TTC8: variants seen among roughly 807,000 people sequenced by gnomAD.
TTC8 encodes tetratricopeptide repeat domain 8, also known as tetratricopeptide repeat protein 8.
TTC8 carries 47 observed loss-of-function variants against 72.5 expected under a neutral mutation model. That is an observed-to-expected ratio of 0.65 (90% CI 0.51 to 0.83). The LOEUF (loss-of-function observed/expected upper bound fraction) is 0.83, where lower values mean the gene tolerates loss of function less well. Among genes scored for constraint, TTC8 ranks in the 40% least tolerant of loss-of-function variants. The pLI is 0.00. For synonymous variants in TTC8, 199 were observed against 221.4 expected, an observed-to-expected ratio of 0.90 and a Z score of 0.90; for missense variants, 611 against 623.2, an observed-to-expected ratio of 0.98 and a Z score of 0.21.
chr14:88,859,617 G>A (rs2094874216), intron 9 of TTC8, among the ~76,000 whole-genome samples: 2 of 151,600 alleles, frequency 1.3e-5, no homozygotes, highest in African/African-American at 4.8e-5. Context: ...CATGATATGA[G>A]TTTACCTATA....
In TTC8 at chr14:88,830,983, C is replaced by T. The variant is rs1330232841; in HGVS notation, c.115-2710C>T. On this transcript the variant is annotated intron_variant, in intron 1 of 14. Transcript: ENST00000380656. ...TGTCATCCCACATACTCAGCAGAGT[C>T]CTGCTCTGGGCCCAGAGTGTCTAGG... is the stretch of plus-strand genomic sequence containing the variant. 4.2e-5 allele frequency: 19 copies of T among 451,346 alleles called. No individual in the cohort carries two copies. In the Admixed American group the frequency reaches 4.3e-4, roughly 10 times the overall value. 28.0% of individuals were successfully genotyped at this position (451,346 alleles called of 1,614,324 possible). A position where few individuals can be genotyped will look rare whatever the true frequency, so the allele number is the denominator to read the frequency against.
chr14:88,825,817 T>C (rs1172760308), intron 1 of TTC8, among the ~76,000 whole-genome samples: 2 of 152,178 alleles, frequency 1.3e-5, no homozygotes, highest in Non-Finnish European at 2.9e-5. Flanking sequence ...TGATGGATGA[T>C]AACCTGCTGA....
At chr14:88,872,480 G>T in intron 13 of TTC8, 28 bp downstream of exon 13, 1 of 1,612,204 alleles carries the variant, frequency 6.2e-7, no homozygotes, top group African/African-American at 1.3e-5. Context: ...GGCATGCTGG[G>T]CAGTCTGCTT....
intron 1 of TTC8, chr14:88,830,811 A>G (rs2094721942): frequency 4.4e-6 from 2 of 455,546 alleles, no homozygotes; most frequent in Non-Finnish European, 8.8e-6. Context: ...GGAAAGGCTC[A>G]GTGATTTTTA....
intron 14 of TTC8, among the ~76,000 whole-genome samples, chr14:88,876,386 A>T (rs900914904): frequency 4.6e-5 from 7 of 152,202 alleles, no homozygotes; most frequent in Non-Finnish European, 7.3e-5. Context: ...GAATTTATCT[A>T]GATTTTTTGA....
chr14:88,854,887 A>G (rs979851757), intron 8 of TTC8, among the ~76,000 whole-genome samples: 2 of 152,064 alleles, frequency 1.3e-5, no homozygotes, highest in Non-Finnish European at 2.9e-5. Flanking sequence ...GGTTCTTGCT[A>G]TGTTGCCCAA....
rs574234150 is a variant in TTC8, at chr14:88,877,466, G to A, written c.*56G>A. 1 of 1,392,112 alleles carries A rather than the reference G, an allele frequency of 7.2e-7. No individual in the cohort carries two copies. The highest frequency in any genetic ancestry group is 1.0e-6 in the Non-Finnish European group (1 of 978,234). 86.2% of individuals were successfully genotyped at this position (1,392,112 alleles called of 1,614,324 possible). On this transcript the variant is annotated 3_prime_UTR_variant, in exon 15 of 15. Coordinates refer to ENST00000380656, the MANE Select transcript of TTC8 (RefSeq NM_144596.4). ...AGCAGCATTATGCAAGGGGAAAAAA[G>A]CACTATGTCTGTGTATGTATGTATA...
At position 88,870,151 on chromosome 14, in the gene TTC8, C is replaced by T. The variant is rs2094927865; in HGVS notation, c.1002C>T (p.Ser334=). The T allele has an allele frequency of 6.2e-7, 1 of 1,613,984 alleles. No individual in the cohort carries two copies. Among genetic ancestry groups the T allele is most frequent in the African/African-American group, 1.3e-5 (1 of 74,922 alleles). Residue 334 remains serine (S), a synonymous_variant, in exon 11 of 15, where the codon AGC becomes AGT. Coordinates refer to ENST00000380656, the MANE Select transcript of TTC8 (RefSeq NM_144596.4). ...THVEAIACIG[S]NHFYSDQPEI... ...TGGAAGCCATCGCATGCATTGGAAG[C>T]AACCACTTCTATTCTGATCAGCCAG...
chr14:88,841,399 C>T (rs1372675656), intron 5 of TTC8, 26 bp from the exon 6 acceptor site: 1 of 1,610,730 alleles, frequency 6.2e-7, no homozygotes, highest in Non-Finnish European at 8.5e-7. Context: ...TTTCAGATCT[C>T]TTGGTCTATT....
chr14:88,866,966 C>T (rs1160386744), intron 10 of TTC8, among the ~76,000 whole-genome samples: 1 of 152,060 alleles, frequency 6.6e-6, no homozygotes, highest in East Asian at 1.9e-4. Context: ...TGTTAAATGC[C>T]TAACCTCTGT....
chr14:88,874,390 A>G (rs1212843494), intron 13 of TTC8, among the ~76,000 whole-genome samples: 1 of 152,146 alleles, frequency 6.6e-6, no homozygotes, highest in Non-Finnish European at 1.5e-5. Context: ...TAAGCATCTC[A>G]TGCTGCTCAG....
chr14:88,840,745 C>T (rs2094776311), intron 3 of TTC8, 120 bp from the exon 4 acceptor site: 3 of 940,960 alleles, frequency 3.2e-6, no homozygotes, highest in Non-Finnish European at 3.4e-6. Flanking sequence ...CCCTAAAATA[C>T]ATTTCTTGCT....
intron 7 of TTC8, among the ~76,000 whole-genome samples, chr14:88,849,874 T>TA (rs1232614174): frequency 1.3e-5 from 2 of 152,228 alleles, no homozygotes; most frequent in African/African-American, 4.8e-5. Flanking sequence ...TCGACAAAAC[T>TA]AAAGTGGCAT....
chr14:88,849,550 G>C (rs1417325044), intron 7 of TTC8, among the ~76,000 whole-genome samples: 1 of 152,050 alleles, frequency 6.6e-6, no homozygotes, highest in Non-Finnish European at 1.5e-5. Flanking sequence ...GAAATACCTT[G>C]AAATGGTGTT....
In TTC8 at chr14:88,837,655, G is replaced by A. The variant is rs375750158; in HGVS notation, c.145-1797G>A. On this transcript the variant is annotated intron_variant, in intron 2 of 14. Transcript: ENST00000380656. ...GAAAAATCAAAGCTGTCAGATACTG[G>A]CAGGGCAGTATGACCTGTAGAGATT... Among the ~76,000 whole-genome samples, 9 of 152,282 alleles carry A rather than the reference G, an allele frequency of 5.9e-5. No individual in the cohort carries two copies. In the South Asian group the frequency reaches 1.7e-3, roughly 28 times the overall value.
At chr14:88,857,743 A>G (rs1437468973) in intron 9 of TTC8, among the ~76,000 whole-genome samples, 1 of 152,202 alleles carries the variant, frequency 6.6e-6, no homozygotes, top group Non-Finnish European at 1.5e-5. Flanking sequence ...TTATATATAC[A>G]GTTTAACCCT....
chr14:88,833,852 A>G, intron 2 of TTC8, 130 bp downstream of exon 2: 1 of 781,874 alleles, frequency 1.3e-6, no homozygotes, highest in Non-Finnish European at 2.3e-6. Flanking sequence ...TATCTGTCAG[A>G]CATTCTGTGC....
downstream of TTC8, chr14:88,881,000 G>C (rs1479211855): frequency 1.3e-5 from 2 of 152,086 alleles, no homozygotes; most frequent in Non-Finnish European, 2.9e-5. Flanking sequence ...TGAAGGTACT[G>C]TCAAAATTCA....
chr14:88,850,424 C>T (rs2094828272), intron 7 of TTC8, among the ~76,000 whole-genome samples: 1 of 152,200 alleles, frequency 6.6e-6, no homozygotes, highest in Non-Finnish European at 1.5e-5. Context: ...AATGGTGGCT[C>T]ACACCTGTAA....
Sources: gnomAD v4.1 joint callset for allele counts (sites outside exome capture counted in the v4.1 genomes callset) on GRCh38, gnomAD v4.1.1 for gene constraint, MANE v1.5 for transcripts, NCBI Gene and HGNC (gene_info 2026-07-23, HGNC 2026-07-21) for gene names.